The following TNNI3K variants were observed in gnomAD, a reference collection of about 807,000 sequenced individuals.
TNNI3K encodes serine/threonine-protein kinase TNNI3K.
TNNI3K carries 140 observed loss-of-function variants against 114.5 expected under a neutral mutation model. That is an observed-to-expected ratio of 1.22 (90% CI 1.07 to 1.41). The LOEUF is 1.41. TNNI3K is among the 40% of genes most tolerant of loss of function. The pLI, the probability that TNNI3K is intolerant of heterozygous loss-of-function variation, is 0.00. For missense variants in TNNI3K, 1,125 were observed against 1,007.6 expected (o/e 1.12, Z -1.58); for synonymous variants, 347 against 347.5 (o/e 1.00, Z 0.02).
At chr1:74,403,217 C>A (rs1447428490) in intron 17 of TNNI3K, among the ~76,000 whole-genome samples, 1 of 152,042 alleles carries the variant, frequency 6.6e-6, no homozygotes, top group East Asian at 1.9e-4. Context: ...TGGATCATAG[C>A]CCCTTAATTC....
chr1:74,451,292 A>T (rs1666981224), intron 20 of TNNI3K, among the ~76,000 whole-genome samples: 1 of 152,118 alleles, frequency 6.6e-6, no homozygotes. Flanking sequence ...GCTAATGCAT[A>T]CTGTGCTTAA....
At chr1:74,252,301 T>C (rs576893514) in intron 4 of TNNI3K, among the ~76,000 whole-genome samples, 4 of 152,324 alleles carry the variant, frequency 2.6e-5, no homozygotes, top group African/African-American at 9.6e-5. Context: ...TAGAGAAGGG[T>C]GCATAAACTA....
intron 17 of TNNI3K, among the ~76,000 whole-genome samples, chr1:74,408,757 C>A (rs1664740873): frequency 6.6e-6 from 1 of 152,110 alleles, no homozygotes; most frequent in South Asian, 2.1e-4. Flanking sequence ...TGCTTCAAAT[C>A]CAAATGCAAC....
chr1:74,444,319 G>A (rs543720876), intron 20 of TNNI3K, among the ~76,000 whole-genome samples: 7 of 152,040 alleles, frequency 4.6e-5, no homozygotes, highest in Non-Finnish European at 7.4e-5. Flanking sequence ...TAAGCTTTAA[G>A]CAATGTCAGT....
chr1:74,470,028 G>A, intron 21 of TNNI3K: 2 of 400,726 alleles, frequency 5.0e-6, no homozygotes, highest in Non-Finnish European at 8.8e-6. Context: ...ACCCTGGTAA[G>A]AAGGAAAGCG....
intron 19 of TNNI3K, 45 bp downstream of exon 19, chr1:74,436,571 T>C: frequency 1.9e-6 from 3 of 1,560,228 alleles, no homozygotes; most frequent in Non-Finnish European, 2.6e-6. Flanking sequence ...CCAATTAAAA[T>C]ATGTAAACTC....
intron 21 of TNNI3K, among the ~76,000 whole-genome samples, chr1:74,486,122 C>G (rs1668746465): frequency 6.6e-6 from 1 of 151,556 alleles, no homozygotes; most frequent in Non-Finnish European, 1.5e-5. Context: ...GTCCTCTGTT[C>G]CTTCAAACAA....
intron 5 of TNNI3K, among the ~76,000 whole-genome samples, chr1:74,274,747 T>C (rs1017659411): frequency 1.3e-5 from 2 of 151,982 alleles, no homozygotes; most frequent in African/African-American, 4.8e-5. Flanking sequence ...GAGTGGCAAA[T>C]ATCATAATGG....
At chr1:74,431,542 A>T (rs1471676687) in intron 17 of TNNI3K, among the ~76,000 whole-genome samples, 1 of 152,140 alleles carries the variant, frequency 6.6e-6, no homozygotes, top group Non-Finnish European at 1.5e-5. Flanking sequence ...ATAGTAAACT[A>T]AGTCAGTAAT....
intron 5 of TNNI3K, among the ~76,000 whole-genome samples, chr1:74,288,919 A>C (rs1334962153): frequency 6.6e-6 from 1 of 152,006 alleles, no homozygotes; most frequent in Non-Finnish European, 1.5e-5. Context: ...TACCTCAATA[A>C]AGGTGGAAAA....
At chr1:74,411,536 G>C (rs1360763543) in intron 17 of TNNI3K, among the ~76,000 whole-genome samples, 1 of 150,908 alleles carries the variant, frequency 6.6e-6, no homozygotes, top group Non-Finnish European at 1.5e-5. Flanking sequence ...CACAGGTCTT[G>C]TCCAGAAATA....
intron 7 of TNNI3K, among the ~76,000 whole-genome samples, chr1:74,337,031 T>TA (rs1403974985): frequency 6.6e-6 from 1 of 150,842 alleles, no homozygotes; most frequent in Non-Finnish European, 1.5e-5. Context: ...GACTTTGTAA[T>TA]GATTGCCATT....
chr1:74,504,821 A>G (rs908203443), intron 23 of TNNI3K, among the ~76,000 whole-genome samples: 2 of 152,118 alleles, frequency 1.3e-5, no homozygotes, highest in African/African-American at 4.8e-5. Context: ...AGTGCTTGTT[A>G]GCGACCTAAA....
intron 20 of TNNI3K, among the ~76,000 whole-genome samples, chr1:74,459,612 AT>A (rs1436269241): frequency 7.9e-5 from 12 of 152,250 alleles, no homozygotes; most frequent in Admixed American, 2.6e-4. Context: ...ATTGAAAAAA[AT>A]AACACCAGAT....
intron 21 of TNNI3K, among the ~76,000 whole-genome samples, chr1:74,488,323 T>A (rs1668872669): frequency 6.6e-6 from 1 of 152,060 alleles, no homozygotes. Context: ...GGAAACAGCT[T>A]ATAAGGGAAG....
At chr1:74,370,148 A>T in intron 16 of TNNI3K, 140 bp from the exon 17 acceptor site, 1 of 600,908 alleles carries the variant, frequency 1.7e-6, no homozygotes, top group Non-Finnish European at 2.7e-6. Flanking sequence ...AGCTATTCAG[A>T]TTTGTTGAAT....
chr1:74,424,962 T>C (rs143674435), intron 17 of TNNI3K, among the ~76,000 whole-genome samples: 34 of 152,224 alleles, frequency 2.2e-4, no homozygotes, highest in Non-Finnish European at 3.1e-4. Context: ...GAACATATAC[T>C]AAGTACCAAA....
chr1:74,288,606 G>A (rs1360611534), intron 5 of TNNI3K, among the ~76,000 whole-genome samples: 2 of 151,892 alleles, frequency 1.3e-5, no homozygotes, highest in East Asian at 3.9e-4. Context: ...GGTGGTTGCC[G>A]GGGGCTGGAT....
chr1:74,353,176 A>G (rs1661466926), intron 9 of TNNI3K, 90 bp from the exon 10 acceptor site: 2 of 1,316,406 alleles, frequency 1.5e-6, no homozygotes, highest in East Asian at 4.8e-5. Context: ...TAACTTCAGC[A>G]TATGATTTTT....
Sources: allele counts gnomAD v4.1 joint callset (sites outside exome capture counted in the v4.1 genomes callset), GRCh38; gene constraint gnomAD v4.1.1; transcripts MANE v1.5; gene names NCBI Gene and HGNC (gene_info 2026-07-23, HGNC 2026-07-21).